SLC12A7: variants seen among roughly 807,000 people sequenced by gnomAD.
SLC12A7 encodes the protein K-Cl cotransporter 4.
In SLC12A7, 100 loss-of-function variants were observed where a neutral mutation model predicts 120.6. The observed-to-expected ratio is 0.83, with a 90% CI of 0.71 to 0.98. SLC12A7 has a LOEUF of 0.98. Ranked by LOEUF, SLC12A7 falls within the 50% of genes least tolerant of loss-of-function variation. The pLI is 0.00. For missense variants in SLC12A7, 1,373 were observed against 1,548.1 expected (o/e 0.89, Z 1.90); for synonymous variants, 760 against 678.0 (o/e 1.12, Z -1.88).
At chr5:1,144,840 G>A in the SLC12A7 span, among the ~76,000 whole-genome samples, 6 of 152,392 alleles carry the variant, frequency 3.9e-5, no homozygotes, top group Admixed American at 6.5e-5. Context: ...CATCCCGGCT[G>A]CGCATGCACA....
chr5:1,111,466 G>A (rs1039963361), intron 1 of SLC12A7, among the ~76,000 whole-genome samples: 19 of 152,082 alleles, frequency 1.2e-4, no homozygotes, highest in African/African-American at 4.1e-4. Context: ...CGCAGGGGAA[G>A]GGAGAGCGCG....
Position 1,079,512 on chromosome 5 carries a change from A to G in SLC12A7, c.1298-16T>C, listed in dbSNP as rs1738763494. The stretch of plus-strand genomic sequence containing the variant: ...GCCATGATACCTGTGAACATGGAAA[A>G]TGCTGCAAAGACCCATCTGAGGAGT... On this transcript the variant is annotated splice_polypyrimidine_tract_variant and intron_variant, in intron 9 of 23. Transcript: ENST00000264930. 2 of 1,603,940 alleles carry G rather than the reference A, an allele frequency of 1.2e-6. No individual in the cohort carries two copies. Among genetic ancestry groups the G allele is most frequent in the African/African-American group, 2.7e-5 (2 of 74,744 alleles).
chr5:1,074,477 CCCT>C (rs1338586094), intron 16 of SLC12A7, 87 bp downstream of exon 16: 62 of 1,208,922 alleles, frequency 5.1e-5, no homozygotes, highest in Admixed American at 7.8e-5. Context: ...GGTGAGAGGC[CCCT>C]GAGACTCAAA....
At chr5:1,055,375 G>A (rs542911965) in intron 22 of SLC12A7, among the ~76,000 whole-genome samples, 4 of 152,230 alleles carry the variant, frequency 2.6e-5, no homozygotes, top group African/African-American at 7.2e-5. Context: ...AGGTACATGC[G>A]AGCACGCACA....
At chr5:1,128,377 TCAGA>T in the SLC12A7 span, among the ~76,000 whole-genome samples, 4 of 152,234 alleles carry the variant, frequency 2.6e-5, no homozygotes, top group East Asian at 7.7e-4. Flanking sequence ...GAAGCCAGAC[TCAGA>T]CAAACAAAAG....
rs2150787990 is a variant in SLC12A7, at chr5:1,060,953, A to ACCG, written c.2740-503_2740-502insCGG. 4.7e-5 allele frequency among the ~76,000 whole-genome samples: 7 copies of ACCG among 150,402 alleles called. 1 individual carries two copies. In the South Asian group the frequency reaches 1.5e-3, roughly 32 times the overall value. On this transcript the variant is annotated intron_variant, in intron 20 of 23. Transcript: ENST00000264930. ...GCGGGACCCCTGCGCCTCACCCGGA[A>ACCG]CATCCACAGTGTGGGACTGCTGCGT...
At chr5:1,102,855 T>A (rs1179879013) in intron 1 of SLC12A7, among the ~76,000 whole-genome samples, 1 of 152,050 alleles carries the variant, frequency 6.6e-6, no homozygotes, top group African/African-American at 2.4e-5. Context: ...AGCCCGAGAC[T>A]GAATGGACCC....
intron 22 of SLC12A7, 44 bp from the exon 23 acceptor site, chr5:1,053,526 C>A: frequency 1.2e-6 from 2 of 1,601,822 alleles, no homozygotes; most frequent in East Asian, 2.2e-5. Flanking sequence ...GGGTGCACCC[C>A]ACGCTCCGGA....
At position 1,083,913 on chromosome 5, in the gene SLC12A7, C is replaced by T. The variant is rs770580445; in HGVS notation, c.961G>A (p.Asp321Asn). ...ATGCCGTAGGCCTTGACGCAGGCAT[C>T]GAAGCTGCGCCGTGACAGCGTGCGG... ...GNRTLSRRSF[D>N]ACVKAYGIHN... The change falls in exon 8 of 24, where the codon GAT becomes AAT. Residue 321 changes from aspartate (D) to asparagine (N), a missense_variant. Physicochemically the swap from Asp to Asn is conservative, Grantham distance 23 (BLOSUM62 1). Transcript: ENST00000264930. The T allele has an allele frequency of 1.7e-5, 27 of 1,606,644 alleles. No individual in the cohort carries two copies. The highest frequency in any genetic ancestry group is 8.4e-5 in the Admixed American group (5 of 59,860).
In SLC12A7 at chr5:1,074,572, GT is replaced by G; in HGVS notation, c.2066del (p.Asn689ThrfsTer8). 1 of 1,612,028 alleles carries G rather than the reference GT, an allele frequency of 6.2e-7. No homozygotes were observed. On this transcript the variant is annotated frameshift_variant, in exon 16 of 24. Coordinates refer to ENST00000264930, the MANE Select transcript of SLC12A7 (RefSeq NM_006598.3). LOFTEE classifies it high-confidence loss of function. ...RVEHGPPHTK[N>X]WRPQVLVMLN... The stretch of plus-strand genomic sequence containing the variant: ...GGGGCATGGGCGGTGCTCACCTCCA[GT>G]TCTTGGTGTGGGGGGGACCGTGCTC...
intron 8 of SLC12A7, 57 bp from the exon 9 acceptor site, chr5:1,081,801 C>G: frequency 1.3e-6 from 2 of 1,565,818 alleles, no homozygotes; most frequent in Non-Finnish European, 1.7e-6. Context: ...GTGCCCCCGC[C>G]ATGGGGCCGC....
chr5:1,116,257 G>A (rs1413721320), upstream of SLC12A7, among the ~76,000 whole-genome samples: 1 of 152,216 alleles, frequency 6.6e-6, no homozygotes, highest in Non-Finnish European at 1.5e-5. Flanking sequence ...TCCCAGGCAG[G>A]CACCGCAAGC....
Position 1,085,472 on chromosome 5 carries a change from G to A in SLC12A7, c.677C>T (p.Thr226Met), listed in dbSNP as rs777367180. ...GATGGCCGCACCCGGGGAGATGTACGTCTGTGGGAACAAGGCCGGTCGGGA... is the reference window on the plus strand; with the variant it reads ...GATGGCCGCACCCGGGGAGATGTACATCTGTGGGAACAAGGCCGGTCGGGA... ...YILGTIEIFLTYISPGAAIFQ... is the reference protein window; with the variant it reads ...YILGTIEIFLMYISPGAAIFQ... The change falls in exon 7 of 24, where the codon ACG becomes ATG. Residue 226 changes from threonine to methionine, a missense_variant and splice_region_variant. Coordinates refer to ENST00000264930, the MANE Select transcript of SLC12A7 (RefSeq NM_006598.3). The A allele has an allele frequency of 1.2e-5, 20 of 1,604,126 alleles. No individual in the cohort carries two copies. In the East Asian group the frequency reaches 1.8e-4, roughly 14 times the overall value.
chr5:1,079,723 G>A (rs973830453), intron 9 of SLC12A7, among the ~76,000 whole-genome samples: 8 of 152,284 alleles, frequency 5.3e-5, no homozygotes, highest in Middle Eastern at 3.4e-3. Context: ...CCCTGGATCC[G>A]AGGACGAGAA....
At chr5:1,134,793 G>A in the SLC12A7 span, among the ~76,000 whole-genome samples, 3 of 152,104 alleles carry the variant, frequency 2.0e-5, no homozygotes, top group Admixed American at 6.6e-5. Context: ...ATAAAGCCAT[G>A]AACAAAACAA....
chr5:1,063,590 G>A lies in SLC12A7; in HGVS notation c.2739+254C>T, dbSNP rs372670565. Among the ~76,000 whole-genome samples the A allele has an allele frequency of 5.9e-5, 9 of 151,640 alleles. No homozygotes were observed. The East Asian group carries it at 9.7e-4, about 16-fold the overall frequency. ...CACCCCGCAAGGCCTGGCAGCCCCC[G>A]CCACAATCGCCACCACCTTCTCCTC... On this transcript the variant is annotated intron_variant, in intron 20 of 23. Transcript: ENST00000264930.
At chr5:1,144,143 A>G in the SLC12A7 span, among the ~76,000 whole-genome samples, 1 of 151,756 alleles carries the variant, frequency 6.6e-6, no homozygotes, top group East Asian at 1.9e-4. Context: ...CCTCAGGGAG[A>G]GGACGTGGAC....
Position 1,073,659 on chromosome 5 carries a change from G to T in SLC12A7, c.2215C>A (p.His739Asn). ...SVLEGTYLDKHMEAQRAEENI... is the reference protein window; with the variant it reads ...SVLEGTYLDKNMEAQRAEENI... ...TCCTCGGCCCGCTGAGCCTCCATGT[G>T]CTTGTCCAGGTACGTCCCCTCCAGC... Residue 739 changes from histidine (H) to asparagine (N), a missense_variant, in exon 17 of 24, where the codon CAC becomes AAC. Transcript: ENST00000264930. The T allele has an allele frequency of 6.2e-7, 1 of 1,604,600 alleles. No individual in the cohort carries two copies. Among genetic ancestry groups the T allele is most frequent in the Non-Finnish European group, 8.5e-7 (1 of 1,176,216 alleles).
At chr5:1,064,673 G>A (rs969115521) in intron 18 of SLC12A7, among the ~76,000 whole-genome samples, 111 of 151,364 alleles carry the variant, frequency 7.3e-4, no homozygotes, top group Middle Eastern at 3.2e-3. Context: ...AAGGGATAGC[G>A]AGGAGACGGT....
Sources: gnomAD v4.1 joint callset for allele counts (sites outside exome capture counted in the v4.1 genomes callset) on GRCh38, gnomAD v4.1.1 for gene constraint, MANE v1.5 for transcripts, NCBI Gene and HGNC (gene_info 2026-07-23, HGNC 2026-07-21) for gene names.